The following CHCHD6 variants were observed in gnomAD, a reference collection of about 807,000 sequenced individuals.
The protein encoded by CHCHD6 is MICOS complex subunit MIC25.
Under a neutral mutation model 32.3 loss-of-function variants are expected in CHCHD6, and 28 were observed. That is an observed-to-expected ratio of 0.87 (90% CI 0.64 to 1.19). CHCHD6 has a LOEUF of 1.19. Among genes scored for constraint, CHCHD6 ranks in the 50% most tolerant of loss-of-function variants. The pLI, the probability that CHCHD6 is intolerant of heterozygous loss-of-function variation, is 0.00. For missense variants in CHCHD6, 333 were observed against 307.0 expected, an observed-to-expected ratio of 1.08 and a Z score of -0.63; for synonymous variants, 122 against 117.5, an observed-to-expected ratio of 1.04 and a Z score of -0.25.
intron 4 of CHCHD6, chr3:126,767,078 G>C (rs1218841113): frequency 8.8e-6 from 10 of 1,131,248 alleles, no homozygotes; most frequent in Admixed American, 3.4e-5. Flanking sequence ...GTTGTACTCT[G>C]TCCGCCGTGC....
rs958604806 is a variant in CHCHD6, at chr3:126,960,311, T to A, written c.*110T>A. ...CCGTTTCCTGCTGGGCCCCTGCATATGCCCCTGAGCCTGGGGCTGCCACGT... is the reference window on the plus strand; with the variant it reads ...CCGTTTCCTGCTGGGCCCCTGCATAAGCCCCTGAGCCTGGGGCTGCCACGT... On this transcript the variant is annotated 3_prime_UTR_variant, in exon 8 of 8. Transcript: ENST00000290913. 1.5e-6 allele frequency: 2 copies of A among 1,327,110 alleles called. No individual in the cohort carries two copies. The highest frequency in any genetic ancestry group is 2.1e-6 in the Non-Finnish European group (2 of 948,088). 82.2% of individuals were successfully genotyped at this position (1,327,110 alleles called of 1,614,324 possible). A position where few individuals can be genotyped will look rare whatever the true frequency, so the allele number is the denominator to read the frequency against.
intron 4 of CHCHD6, among the ~76,000 whole-genome samples, chr3:126,823,317 TC>T (rs1433991491): frequency 2.6e-5 from 4 of 152,220 alleles, no homozygotes; most frequent in African/African-American, 9.6e-5. Context: ...CATCTATAGA[TC>T]AATTTATAGA....
chr3:126,724,518 G>A (rs551876762), intron 1 of CHCHD6, among the ~76,000 whole-genome samples: 15 of 152,270 alleles, frequency 9.9e-5, no homozygotes, highest in African/African-American at 3.6e-4. Flanking sequence ...TGCTGGTGGG[G>A]GGTCTTGCCT....
chr3:126,778,196 C>CT (rs35910398), intron 4 of CHCHD6, among the ~76,000 whole-genome samples: 2 of 152,152 alleles, frequency 1.3e-5, no homozygotes, highest in African/African-American at 4.8e-5. Context: ...GCTGTTTCCA[C>CT]TTTTTTAGCT....
intron 4 of CHCHD6, among the ~76,000 whole-genome samples, chr3:126,770,388 G>A (rs975363096): frequency 6.6e-5 from 10 of 152,214 alleles, no homozygotes; most frequent in African/African-American, 2.4e-4. Context: ...TGATCAGAAA[G>A]GACATTCTTG....
rs2078797179 is a variant in CHCHD6, at chr3:126,957,159, AG to A, written c.567-256del. 6 of 549,596 alleles carry A rather than the reference AG, an allele frequency of 1.1e-5. No individual in the cohort carries two copies. The South Asian group carries it at 1.3e-4, about 12-fold the overall frequency. 34.0% of individuals were successfully genotyped at this position (549,596 alleles called of 1,614,324 possible). A position where few individuals can be genotyped will look rare whatever the true frequency, so the allele number is the denominator to read the frequency against. On this transcript the variant is annotated intron_variant, in intron 6 of 7. Coordinates refer to ENST00000290913, the MANE Select transcript of CHCHD6 (RefSeq NM_032343.3). The stretch of plus-strand genomic sequence containing the variant: ...GCCCCAGTGAAGGAGCCCGGTGTGG[AG>A]CCCCATACCACAGCATGTTTCAGTG...
chr3:126,735,240 G>A (rs984466688), intron 4 of CHCHD6, among the ~76,000 whole-genome samples: 4 of 152,186 alleles, frequency 2.6e-5, no homozygotes, highest in African/African-American at 9.7e-5. Flanking sequence ...ATTAATTACA[G>A]TGAAAGAATT....
intron 6 of CHCHD6, among the ~76,000 whole-genome samples, chr3:126,925,066 A>G (rs962251245): frequency 2.6e-5 from 4 of 152,196 alleles, no homozygotes; most frequent in Admixed American, 2.6e-4. Flanking sequence ...GTGCATCCAA[A>G]TGCTCCATCA....
intron 6 of CHCHD6, among the ~76,000 whole-genome samples, chr3:126,928,867 A>G (rs1402253514): frequency 2.0e-5 from 3 of 152,146 alleles, no homozygotes; most frequent in Non-Finnish European, 4.4e-5. Flanking sequence ...ATCCAGTTAG[A>G]TACAGGTTGG....
chr3:126,756,617 C>T (rs1936966449), intron 4 of CHCHD6, among the ~76,000 whole-genome samples: 2 of 152,340 alleles, frequency 1.3e-5, no homozygotes, highest in South Asian at 2.1e-4. Flanking sequence ...AAATTATAAA[C>T]ACTCTGTGGC....
At chr3:126,760,753 G>A (rs1937130773) in intron 4 of CHCHD6, among the ~76,000 whole-genome samples, 1 of 152,188 alleles carries the variant, frequency 6.6e-6, no homozygotes, top group African/African-American at 2.4e-5. Flanking sequence ...CACTTGAGTT[G>A]TTTCTACCTT....
chr3:126,811,615 G>C (rs1313353171), intron 4 of CHCHD6, among the ~76,000 whole-genome samples: 1 of 151,648 alleles, frequency 6.6e-6, no homozygotes, highest in East Asian at 1.9e-4. Context: ...CACTACTCCA[G>C]TGGACCAGCA....
rs550014904 is a variant in CHCHD6 at position 126,900,548 on chromosome 3, T to G, written c.496-14132T>G. Among the ~76,000 whole-genome samples, 24 of 151,654 alleles carry G rather than the reference T, an allele frequency of 1.6e-4. 2 individuals carry two copies. In the South Asian group the frequency reaches 4.6e-3, roughly 29 times the overall value. ...GCAGAAGGCGAATGGGGAGCAGGTG[T>G]CTCACATGGCTGGAGCAGAAGAAGC... On this transcript the variant is annotated intron_variant, in intron 5 of 7. Coordinates refer to ENST00000290913, the MANE Select transcript of CHCHD6 (RefSeq NM_032343.3).
At chr3:126,780,827 G>T (rs944073319) in intron 4 of CHCHD6, among the ~76,000 whole-genome samples, 4 of 152,178 alleles carry the variant, frequency 2.6e-5, no homozygotes, top group Non-Finnish European at 5.9e-5. Context: ...TTATCTTCCT[G>T]CACAAGAAGA....
chr3:126,862,272 C>A lies in CHCHD6; in HGVS notation c.495+9542C>A, dbSNP rs1367583144. 1.2e-4 allele frequency among the ~76,000 whole-genome samples: 16 copies of A among 138,466 alleles called. 1 individual carries two copies. The highest frequency in any genetic ancestry group is 2.3e-4 in the East Asian group (1 of 4,334). The allele number at this position is 138,466 out of a possible 152,430, so 90.8% of individuals were successfully genotyped here. ...CCTCCTCCTCCTCCATCACCTCCTC[C>A]TCCTCTACCATCACCACCTCCTCCT... On this transcript the variant is annotated intron_variant, in intron 5 of 7. Coordinates refer to ENST00000290913, the MANE Select transcript of CHCHD6 (RefSeq NM_032343.3).
At chr3:126,844,623 C>G (rs1941227173) in intron 4 of CHCHD6, among the ~76,000 whole-genome samples, 1 of 152,144 alleles carries the variant, frequency 6.6e-6, no homozygotes, top group Non-Finnish European at 1.5e-5. Context: ...TTATTAATAA[C>G]ACGAAGTTAG....
intron 2 of CHCHD6, among the ~76,000 whole-genome samples, chr3:126,727,818 C>T (rs778671894): frequency 1.4e-4 from 21 of 152,166 alleles, no homozygotes; most frequent in Non-Finnish European, 2.6e-4. Context: ...CAAATAACGA[C>T]TTGTAGCAAA....
intron 5 of CHCHD6, among the ~76,000 whole-genome samples, chr3:126,877,763 A>G (rs1238561732): frequency 1.3e-5 from 2 of 152,242 alleles, no homozygotes; most frequent in Non-Finnish European, 2.9e-5. Context: ...GATTACATCA[A>G]TTAGTGGATC....
At chr3:126,766,573 T>A (rs1377555928) in intron 4 of CHCHD6, 1 of 1,163,764 alleles carries the variant, frequency 8.6e-7, no homozygotes, top group Non-Finnish European at 1.3e-6. Context: ...CTTCACCTCC[T>A]GGGCTGCAGT....
Sources: allele counts gnomAD v4.1 joint callset (sites outside exome capture counted in the v4.1 genomes callset), GRCh38; gene constraint gnomAD v4.1.1; transcripts MANE v1.5; gene names NCBI Gene and HGNC (gene_info 2026-07-23, HGNC 2026-07-21).